DCHS2: variants seen among roughly 807,000 people sequenced by gnomAD.
The protein encoded by DCHS2 is dachsous cadherin-related 2.
A neutral mutation model predicts 182.4 loss-of-function variants in DCHS2; 142 were observed. The observed-to-expected ratio is 0.78, with a 90% CI of 0.68 to 0.89. The LOEUF (loss-of-function observed/expected upper bound fraction) is 0.89, where lower values mean the gene tolerates loss of function less well. Ranked by LOEUF, DCHS2 falls within the 40% of genes least tolerant of loss-of-function variation. The probability of loss-of-function intolerance (pLI) is 0.00; values close to 1 mark genes in which losing one functional copy is unlikely to be tolerated. For missense variants in DCHS2, 4,319 were observed against 4,198.6 expected (o/e 1.03, Z -0.79); for synonymous variants, 1,740 against 1,663.3 (o/e 1.05, Z -1.12).
At chr4:154,342,882 A>C (rs115047862) in intron 3 of DCHS2, among the ~76,000 whole-genome samples, 2,912 of 152,276 alleles carry the variant, frequency 0.019, 92 homozygotes, top group African/African-American at 0.065. Flanking sequence ...ATTTTACCCA[A>C]ATATATCAGA....
rs546865620 is a variant in DCHS2, at chr4:154,309,395, G to A, written c.5261-4164C>T. On this transcript the variant is annotated intron_variant, in intron 10 of 19. Transcript: ENST00000357232. ...TCCTTCTTCCTAGTTACCTACTGTC[G>A]TCATCAGCAATGCTATTCAGTCTGT... Among the ~76,000 whole-genome samples, 119 of 152,218 alleles carry A rather than the reference G, an allele frequency of 7.8e-4. 3 individuals are homozygous for A. The South Asian group carries it at 0.016, about 20-fold the overall frequency.
intron 1 of DCHS2, among the ~76,000 whole-genome samples, chr4:154,424,393 T>A (rs993200915): frequency 2.0e-5 from 3 of 152,198 alleles, no homozygotes; most frequent in African/African-American, 4.8e-5. Context: ...CTTGTCTTTA[T>A]GCAGTGATTA....
chr4:154,333,306 T>C lies in DCHS2; in HGVS notation c.2902A>G (p.Thr968Ala), dbSNP rs1210073627. Residue 968 changes from threonine to alanine, a missense_variant, in exon 5 of 20, where the codon ACA becomes GCA. Transcript: ENST00000357232. ...PACSSTEVNI[T>A]VMDVNDNHPA... is the part of the protein sequence containing the mutation. The stretch of plus-strand genomic sequence containing the variant: ...TGGTTGTCATTGACATCCATGACTG[T>C]TATGTTGACCTCGGTGCTGCTGCAG... The C allele has an allele frequency of 1.9e-6, 3 of 1,614,090 alleles. No homozygotes were observed. The highest frequency in any genetic ancestry group is 1.7e-6 in the Non-Finnish European group (2 of 1,180,038).
intron 1 of DCHS2, among the ~76,000 whole-genome samples, chr4:154,397,131 C>A (rs565480459): frequency 1.3e-5 from 2 of 152,122 alleles, no homozygotes; most frequent in Non-Finnish European, 2.9e-5. Flanking sequence ...AAAAGGACAC[C>A]GCACTAATCT....
chr4:154,275,662 C>T (rs1258752214), intron 13 of DCHS2, among the ~76,000 whole-genome samples: 2 of 151,996 alleles, frequency 1.3e-5, no homozygotes, highest in Non-Finnish European at 2.9e-5. Context: ...AATTTTATTT[C>T]AACTGGCTTG....
At chr4:154,283,405 A>G (rs1467038447) in intron 13 of DCHS2, among the ~76,000 whole-genome samples, 1 of 152,072 alleles carries the variant, frequency 6.6e-6, no homozygotes, top group African/African-American at 2.4e-5. Flanking sequence ...GTGAACACCT[A>G]AAGAAATAAT....
At chr4:154,459,112 C>A (rs1483364621) in intron 1 of DCHS2, among the ~76,000 whole-genome samples, 1 of 152,154 alleles carries the variant, frequency 6.6e-6, no homozygotes, top group Non-Finnish European at 1.5e-5. Context: ...TGAAGAATTC[C>A]TACTCCCCAT....
At chr4:154,335,209 TGTGTTAACTGGGC>T (rs1245929940) in intron 3 of DCHS2, 105 bp from the exon 4 acceptor site, 2 of 786,120 alleles carry the variant, frequency 2.5e-6, no homozygotes, top group East Asian at 5.0e-5. Context: ...TTTTATTTTA[TGTGTTAACTGGGC>T]CACAGGATGT....
intron 2 of DCHS2, among the ~76,000 whole-genome samples, chr4:154,367,877 T>C (rs28479522): frequency 0.019 from 2,812 of 151,982 alleles, 82 homozygotes; most frequent in African/African-American, 0.061. Flanking sequence ...AGAATGAAGA[T>C]TGTATGGGAG....
At chr4:154,481,749 A>T (rs912731701) in intron 1 of DCHS2, among the ~76,000 whole-genome samples, 1 of 152,198 alleles carries the variant, frequency 6.6e-6, no homozygotes, top group Non-Finnish European at 1.5e-5. Flanking sequence ...TATTTTATGG[A>T]TGACAAAATT....
At chr4:154,247,798 G>A (rs72968830) in intron 16 of DCHS2, among the ~76,000 whole-genome samples, 3,113 of 152,172 alleles carry the variant, frequency 0.02, 80 homozygotes, top group African/African-American at 0.06. Context: ...TTACATGAAA[G>A]AGTAGAATAA....
chr4:154,284,063 C>A (rs1734278646), intron 13 of DCHS2, among the ~76,000 whole-genome samples: 1 of 152,136 alleles, frequency 6.6e-6, no homozygotes, highest in African/African-American at 2.4e-5. Flanking sequence ...AATGTATCTA[C>A]CAAAATGTAC....
intron 9 of DCHS2, among the ~76,000 whole-genome samples, chr4:154,319,346 G>C (rs1735968439): frequency 6.6e-6 from 1 of 151,834 alleles, no homozygotes. Flanking sequence ...TAAACAGGCG[G>C]ATTACATAAA....
chr4:154,415,240 G>A (rs1022422360), intron 1 of DCHS2, among the ~76,000 whole-genome samples: 6 of 152,238 alleles, frequency 3.9e-5, no homozygotes, highest in Admixed American at 1.3e-4. Context: ...CAATTACAAG[G>A]ATTCATTTCT....
chr4:154,446,958 A>T (rs865958613), intron 1 of DCHS2, among the ~76,000 whole-genome samples: 51 of 135,812 alleles, frequency 3.8e-4, no homozygotes, highest in African/African-American at 1.2e-3. Context: ...ACTCATACAC[A>T]CGCACACACA....
chr4:154,448,033 C>T (rs144947603), intron 1 of DCHS2, among the ~76,000 whole-genome samples: 639 of 152,278 alleles, frequency 4.2e-3, no homozygotes, highest in Non-Finnish European at 7.2e-3. Flanking sequence ...ACCCTCACAA[C>T]TCATCCCATT....
chr4:154,240,035 T>G (rs546279837), intron 18 of DCHS2, among the ~76,000 whole-genome samples: 3 of 152,296 alleles, frequency 2.0e-5, no homozygotes, highest in African/African-American at 7.2e-5. Flanking sequence ...TCAAAAGTTC[T>G]GGAGTCCATT....
Position 154,489,636 on chromosome 4 carries a change from C to A in DCHS2, c.1720G>T (p.Ala574Ser), listed in dbSNP as rs1346446250. The change falls in exon 1 of 20, where the codon GCC (alanine) becomes TCC (serine). Residue 574 changes from alanine (A) to serine (S), a missense_variant. By Grantham distance (99) the Ala-to-Ser change is moderately conservative. Coordinates refer to ENST00000357232, the MANE Select transcript of DCHS2 (RefSeq NM_001358235.2). ...SDADEAGSDH[A>S]WLRYTVVQLS... ...TGGACTACAGTGTAGCGCAGCCAGG[C>A]GTGATCACTGCCTGCCTCGTCGGCA... is the stretch of plus-strand genomic sequence containing the variant. 3.2e-6 allele frequency: 5 copies of A among 1,551,602 alleles called. 1 individual carries two copies. Among genetic ancestry groups the A allele is most frequent in the African/African-American group, 2.7e-5 (2 of 73,186 alleles).
chr4:154,390,557 C>T (rs1022133559), intron 1 of DCHS2, among the ~76,000 whole-genome samples: 28 of 151,920 alleles, frequency 1.8e-4, no homozygotes, highest in African/African-American at 6.8e-4. Context: ...CCCAAATACA[C>T]CTACATCATC....
Sources: allele counts gnomAD v4.1 joint callset (sites outside exome capture counted in the v4.1 genomes callset), GRCh38; gene constraint gnomAD v4.1.1; transcripts MANE v1.5; gene names NCBI Gene and HGNC (gene_info 2026-07-23, HGNC 2026-07-21).